Variants in COL18A1 observed in about 807,000 individuals in gnomAD.
The protein encoded by COL18A1 is collagen alpha-1(XVIII) chain.
A neutral mutation model predicts 168.0 loss-of-function variants in COL18A1; 133 were observed. That is an observed-to-expected ratio of 0.79 (90% CI 0.69 to 0.91). COL18A1 has a LOEUF of 0.91. COL18A1 is among the 40% of genes least tolerant of loss of function. The pLI is 0.00. For synonymous variants in COL18A1, 949 were observed against 809.0 expected (o/e 1.17, Z -2.94); for missense variants, 2,126 against 1,925.4 (o/e 1.10, Z -1.95).
In COL18A1 at chr21:45,456,395, C is replaced by G. The variant is rs563547981; in HGVS notation, c.107-11847C>G. 1.2e-5 allele frequency: 19 copies of G among 1,547,940 alleles called. No homozygotes were observed. In the African/African-American group the frequency reaches 1.8e-4, roughly 14 times the overall value. ...CTTCTCCTCTGGGCTCCCGGGCGCACTGTCTCAGGTCGCAGTCACCACTTT... is the reference window on the plus strand; with the variant it reads ...CTTCTCCTCTGGGCTCCCGGGCGCAGTGTCTCAGGTCGCAGTCACCACTTT... On this transcript the variant is annotated intron_variant, in intron 2 of 41. Transcript: ENST00000651438.
At chr21:45,417,280 G>A (rs56770975) in intron 2 of COL18A1, among the ~76,000 whole-genome samples, 10,613 of 152,256 alleles carry the variant, frequency 0.07, 870 homozygotes, top group East Asian at 0.39. Flanking sequence ...GGGATTCTTA[G>A]CCTCTTAATG....
At chr21:45,410,857 G>A (rs749116232) in intron 2 of COL18A1, among the ~76,000 whole-genome samples, 21 of 152,320 alleles carry the variant, frequency 1.4e-4, no homozygotes, top group East Asian at 1.9e-4. Context: ...GCTTCACGCC[G>A]TCTGGCATCT....
chr21:45,511,298 T>C (rs936739740), intron 41 of COL18A1, 72 bp downstream of exon 41: 3 of 789,478 alleles, frequency 3.8e-6, no homozygotes, highest in African/African-American at 3.4e-5. Context: ...GGCTCCTATC[T>C]GCAGTTTCCC....
At position 45,509,400 on chromosome 21, in the gene COL18A1, C is replaced by A. The variant is rs770031049; in HGVS notation, c.3294C>A (p.His1098Gln). The change falls in exon 39 of 42, where the codon CAC becomes CAA. Residue 1098 changes from histidine (H) to glutamine (Q), a missense_variant. Transcript: ENST00000651438. ...TGCAGCCCCCCGTGGTGCAGCTGCA[C>A]GACAGCAACCCCTACCCGCGGCGGG... ...AALQPPVVQL[H>Q]DSNPYPRREH... 1 of 1,542,760 alleles carries A rather than the reference C, an allele frequency of 6.5e-7. No individual in the cohort carries two copies. Among genetic ancestry groups the A allele is most frequent in the Admixed American group, 1.9e-5 (1 of 51,910 alleles).
chr21:45,471,154 G>C lies in COL18A1; in HGVS notation c.651+2368G>C, dbSNP rs2035416255. ...CCTTGTGCTGCTGGGCGTGGGTGGC[G>C]TGCAGCAGGCCGTGTGCTGCTGGGC... On this transcript the variant is annotated intron_variant, in intron 3 of 41. Coordinates refer to ENST00000651438, the MANE Select transcript of COL18A1 (RefSeq NM_001379500.1). This position sits in a 1 kb window ranked among gnomAD's most constrained non-coding sequence, Gnocchi z 4.4. Among the ~76,000 whole-genome samples the C allele has an allele frequency of 6.6e-6, 1 of 151,906 alleles. No homozygotes were observed. Among genetic ancestry groups the C allele is most frequent in the Non-Finnish European group, 1.5e-5 (1 of 67,956 alleles).
intron 2 of COL18A1, among the ~76,000 whole-genome samples, chr21:45,447,051 C>T (rs1034776455): frequency 4.6e-5 from 7 of 152,156 alleles, no homozygotes; most frequent in African/African-American, 1.4e-4. Flanking sequence ...CTCCTAAGAT[C>T]AGGAGCAAGA....
intron 2 of COL18A1, among the ~76,000 whole-genome samples, chr21:45,413,460 G>A (rs531872935): frequency 5.9e-5 from 9 of 152,328 alleles, no homozygotes; most frequent in African/African-American, 1.4e-4. Context: ...CTCCCGCTAC[G>A]ACCCCTCGGC....
chr21:45,488,403 CCT>C lies in COL18A1; in HGVS notation c.1897-12_1897-11del. On this transcript the variant is annotated splice_polypyrimidine_tract_variant and intron_variant, in intron 17 of 41. Coordinates refer to ENST00000651438, the MANE Select transcript of COL18A1 (RefSeq NM_001379500.1). ...CTCCAGCTGCACTAACACTGTGTCTCCTCTGCCCTGACAGGGACCTCCCGGCC... is the reference window on the plus strand; with the variant it reads ...CTCCAGCTGCACTAACACTGTGTCTCCTGCCCTGACAGGGACCTCCCGGCC... 1 of 1,613,836 alleles carries C rather than the reference CCT, an allele frequency of 6.2e-7. No homozygotes were observed. Among genetic ancestry groups the C allele is most frequent in the South Asian group, 1.1e-5 (1 of 91,078 alleles).
chr21:45,446,953 A>G (rs1403242367), intron 2 of COL18A1, among the ~76,000 whole-genome samples: 2 of 152,250 alleles, frequency 1.3e-5, no homozygotes, highest in East Asian at 1.9e-4. Context: ...AACACCATTC[A>G]TGAAAAACAC....
chr21:45,438,727 G>A (rs1011166574), intron 2 of COL18A1, among the ~76,000 whole-genome samples: 2 of 152,260 alleles, frequency 1.3e-5, no homozygotes, highest in African/African-American at 4.8e-5. Flanking sequence ...GGGTGCCAGG[G>A]CCACGCAAGC....
intron 2 of COL18A1, among the ~76,000 whole-genome samples, chr21:45,427,202 T>G (rs1169399885): frequency 6.6e-6 from 1 of 152,192 alleles, no homozygotes; most frequent in South Asian, 2.1e-4. Flanking sequence ...CTGTTCTCCG[T>G]GTGGGTGCCA....
At chr21:45,490,154 G>A in intron 19 of COL18A1, 121 bp from the exon 20 acceptor site, 1 of 693,262 alleles carries the variant, frequency 1.4e-6, no homozygotes, top group South Asian at 1.5e-5. Context: ...CAGGCCCACA[G>A]GGGTGAGAGA....
chr21:45,429,092 G>A (rs1268625932), intron 2 of COL18A1, among the ~76,000 whole-genome samples: 1 of 151,928 alleles, frequency 6.6e-6, no homozygotes, highest in Non-Finnish European at 1.5e-5. Context: ...TAGTAGAGAT[G>A]GGGTTTCATC....
chr21:45,501,787 C>A (rs13050625), intron 32 of COL18A1, among the ~76,000 whole-genome samples: 27 of 36,428 alleles, frequency 7.4e-4, no homozygotes, highest in African/African-American at 7.7e-4. Context: ...AGGGGCTCCA[C>A]AGCCGGTCAC....
intron 2 of COL18A1, among the ~76,000 whole-genome samples, chr21:45,437,187 CACAG>C (rs751813916): frequency 0.013 from 666 of 51,120 alleles, 61 homozygotes; most frequent in Non-Finnish European, 0.016. Flanking sequence ...CACACACTCA[CACAG>C]ACACACAGGC....
At chr21:45,481,469 AGGGAGTGT>A (rs2145940690) in intron 13 of COL18A1, among the ~76,000 whole-genome samples, 1 of 152,262 alleles carries the variant, frequency 6.6e-6, no homozygotes, top group East Asian at 1.9e-4. Context: ...CGTGCAGGGC[AGGGAGTGT>A]GGGGTTAGGT....
chr21:45,510,290 G>C (rs747200507), intron 40 of COL18A1, 29 bp downstream of exon 40: 7 of 1,569,174 alleles, frequency 4.5e-6, no homozygotes, highest in Non-Finnish European at 4.3e-6. Flanking sequence ...GAGGGCGCGG[G>C]CTCCTCGGCC....
chr21:45,509,744 C>A (rs1254218018), intron 39 of COL18A1, 143 bp downstream of exon 39: 1 of 705,506 alleles, frequency 1.4e-6, no homozygotes, highest in East Asian at 2.7e-5. Context: ...CCACTCAGGG[C>A]GGCTTGGCTG....
chr21:45,422,557 A>G (rs966905140), intron 2 of COL18A1: 1 of 510,928 alleles, frequency 2.0e-6, no homozygotes, highest in Non-Finnish European at 4.0e-6. Context: ...CAGGGCAGCA[A>G]AAGGCATCTG....
Sources: allele counts gnomAD v4.1 joint callset (sites outside exome capture counted in the v4.1 genomes callset), GRCh38; gene constraint gnomAD v4.1.1; non-coding constraint Gnocchi (gnomAD v3.1); transcripts MANE v1.5; gene names NCBI Gene and HGNC (gene_info 2026-07-23, HGNC 2026-07-21).